Variants in FAM228B observed in about 807,000 individuals in gnomAD.
FAM228B encodes the protein family with sequence similarity 228 member B.
A neutral mutation model predicts 42.6 loss-of-function variants in FAM228B; 38 were observed. That is an observed-to-expected ratio of 0.89 (90% CI 0.69 to 1.17). The LOEUF (loss-of-function observed/expected upper bound fraction) is 1.17. Ranked by LOEUF, FAM228B falls within the 50% of genes most tolerant of loss-of-function variation. The pLI is 0.00. For missense variants in FAM228B, 344 were observed against 367.3 expected, an observed-to-expected ratio of 0.94 and a Z score of 0.52; for synonymous variants, 109 against 122.3, an observed-to-expected ratio of 0.89 and a Z score of 0.72.
chr2:24,089,976 GA>G lies in FAM228B; in HGVS notation c.-209-5150del, dbSNP rs33915915. ...GAGCAAAACTCCGTCTAAAAAAAAAGAAAAAAAAAAAAAAACGCCGGGCGCA... is the reference window on the plus strand; with the variant it reads ...GAGCAAAACTCCGTCTAAAAAAAAAGAAAAAAAAAAAAAACGCCGGGCGCA... On this transcript the variant is annotated intron_variant, in intron 2 of 10. Transcript: ENST00000613899. Among the ~76,000 whole-genome samples, 150 of 130,538 alleles carry G rather than the reference GA, an allele frequency of 1.1e-3. 4 individuals carry two copies. In the South Asian group the frequency reaches 0.035, roughly 31 times the overall value. 85.6% of individuals were successfully genotyped at this position (130,538 alleles called of 152,430 possible).
At chr2:24,137,491 TTTTG>T (rs1401696727) in intron 3 of FAM228B, among the ~76,000 whole-genome samples, 1 of 152,114 alleles carries the variant, frequency 6.6e-6, no homozygotes, top group African/African-American at 2.4e-5. Flanking sequence ...CTGTTTGTGA[TTTTG>T]TTTGTTTGTT....
chr2:24,147,192 C>CT (rs796377393), intron 7 of FAM228B, 106 bp downstream of exon 7: 723 of 810,492 alleles, frequency 8.9e-4, no homozygotes, highest in South Asian at 1.3e-3. Flanking sequence ...TATCATTTTT[C>CT]TTTTTTTTTG....
Position 24,169,212 on chromosome 2 carries a change from C to A in FAM228B, c.*15-144C>A, listed in dbSNP as rs369902443. On this transcript the variant is annotated intron_variant, in intron 10 of 10. Coordinates refer to ENST00000615575, the MANE Select transcript of FAM228B (RefSeq NM_001145710.2). The surrounding 1 kb of genome is among the most constrained non-coding windows in gnomAD (Gnocchi z 4.2). Reference sequence around the variant, plus strand: ...CTGAGGCAGGAGGCCTAGGTGGAGACCCTGCCTGAGAGATGAGTCACTCGG... The same window carrying A: ...CTGAGGCAGGAGGCCTAGGTGGAGAACCTGCCTGAGAGATGAGTCACTCGG... 6 of 309,308 alleles carry A rather than the reference C, an allele frequency of 1.9e-5. No individual in the cohort carries two copies. The highest frequency in any genetic ancestry group is 4.2e-5 in the African/African-American group (2 of 47,556). 19.2% of individuals were successfully genotyped at this position (309,308 alleles called of 1,614,324 possible).
At chr2:24,088,996 G>A (rs1665323532) in intron 2 of FAM228B, among the ~76,000 whole-genome samples, 1 of 152,166 alleles carries the variant, frequency 6.6e-6, no homozygotes, top group African/African-American at 2.4e-5. Context: ...TAGAAACAGT[G>A]TGGTTTCCCA....
intron 2 of FAM228B, among the ~76,000 whole-genome samples, chr2:24,130,430 A>G (rs973942409): frequency 8.5e-5 from 13 of 152,176 alleles, no homozygotes; most frequent in African/African-American, 2.9e-4. Context: ...TCCCACTAAC[A>G]GTGTAAAAGT....
intron 8 of FAM228B, 68 bp downstream of exon 8, chr2:24,161,681 C>A: frequency 1.0e-6 from 1 of 979,326 alleles, no homozygotes; most frequent in Non-Finnish European, 1.6e-6. Context: ...CCATCCCCTG[C>A]CATCCTTTCA....
rs375455830 is a variant in FAM228B at position 24,110,350 on chromosome 2, G to A, written c.-121+15121G>A. Among the ~76,000 whole-genome samples the A allele has an allele frequency of 3.1e-4, 47 of 152,260 alleles. No individual in the cohort carries two copies. The South Asian group carries it at 9.1e-3, about 30-fold the overall frequency. On this transcript the variant is annotated intron_variant, in intron 3 of 10. Transcript: ENST00000613899. The stretch of plus-strand genomic sequence containing the variant: ...TCAGTCACCCATTTCTGGGATGGGG[G>A]ATAGGTACTAGATAGCTTCAGGGCA...
rs1666691207 is a variant in FAM228B, at chr2:24,139,294, ACT to A, written c.361-72_361-71del. 4 of 754,760 alleles carry A rather than the reference ACT, an allele frequency of 5.3e-6. No individual in the cohort carries two copies. In the East Asian group the frequency reaches 1.1e-4, roughly 22 times the overall value. The allele number at this position is 754,760 out of a possible 1,614,324, so 46.8% of individuals were successfully genotyped here. Reference sequence around the variant, plus strand: ...GCATAAGAATGATACTATGTGTTTGACTCTCAAGTCCTGATATGCTCAAAATT... The same window carrying A: ...GCATAAGAATGATACTATGTGTTTGACTCAAGTCCTGATATGCTCAAAATT... On this transcript the variant is annotated intron_variant, in intron 4 of 10. Transcript: ENST00000615575.
At position 24,084,370 on chromosome 2, in the gene FAM228B, GCAGGGCAGGGCAGGA is replaced by G; in HGVS notation, c.-210+3420_-210+3434del. 1 of 1,530,250 alleles carries G rather than the reference GCAGGGCAGGGCAGGA, an allele frequency of 6.5e-7. No homozygotes were observed. Among genetic ancestry groups the G allele is most frequent in the Non-Finnish European group, 8.8e-7 (1 of 1,131,354 alleles). 94.8% of individuals were successfully genotyped at this position (1,530,250 alleles called of 1,614,324 possible). ...GCAGGGCAGGGCAGGACAGGACAGG[GCAGGGCAGGGCAGGA>G]CAGGACAGGGCAGGGCAGGACAGGA... is the stretch of plus-strand genomic sequence containing the variant. On this transcript the variant is annotated intron_variant, in intron 2 of 10. Transcript: ENST00000613899. This position sits in a 1 kb window ranked among gnomAD's most constrained non-coding sequence, Gnocchi z 8.4.
chr2:24,151,962 G>A (rs758836066), intron 7 of FAM228B, among the ~76,000 whole-genome samples: 9 of 152,172 alleles, frequency 5.9e-5, no homozygotes, highest in Non-Finnish European at 1.2e-4. Context: ...TCCCTCTCCC[G>A]GACTCAAGCA....
intron 2 of FAM228B, among the ~76,000 whole-genome samples, chr2:24,131,737 G>A (rs1280654546): frequency 6.6e-6 from 1 of 152,202 alleles, no homozygotes; most frequent in East Asian, 1.9e-4. Flanking sequence ...GGCCTGAGAT[G>A]ATGGGGTTTT....
At chr2:24,108,202 G>C (rs909279170) in intron 3 of FAM228B, among the ~76,000 whole-genome samples, 4 of 152,092 alleles carry the variant, frequency 2.6e-5, no homozygotes, top group African/African-American at 9.7e-5. Flanking sequence ...GACACATACA[G>C]CTTCCTAAGA....
At chr2:24,133,928 A>G (rs1225855760) in intron 2 of FAM228B, among the ~76,000 whole-genome samples, 2 of 152,226 alleles carry the variant, frequency 1.3e-5, no homozygotes, top group Non-Finnish European at 2.9e-5. Context: ...GTACATTAAA[A>G]ATAAAATTTA....
intron 3 of FAM228B, chr2:24,097,451 CAAAAAAAAA>C (rs142500481): frequency 2.8e-5 from 2 of 70,378 alleles, no homozygotes; most frequent in Non-Finnish European, 5.3e-5. Context: ...AAATGGAAAG[CAAAAAAAAA>C]AAAAAAAAAA....
intron 5 of FAM228B, among the ~76,000 whole-genome samples, chr2:24,146,031 T>C (rs998693013): frequency 4.6e-5 from 7 of 152,232 alleles, no homozygotes; most frequent in African/African-American, 1.4e-4. Flanking sequence ...TCTTAATATT[T>C]TATGAGTAGC....
intron 5 of FAM228B, among the ~76,000 whole-genome samples, chr2:24,145,708 T>C (rs1666877432): frequency 1.4e-4 from 1 of 6,936 alleles, no homozygotes; most frequent in Non-Finnish European, 1.7e-3. Flanking sequence ...TTTTGTTCCT[T>C]TTTTTTTTTT....
chr2:24,108,541 T>C (rs1192299759), intron 3 of FAM228B, among the ~76,000 whole-genome samples: 2 of 152,222 alleles, frequency 1.3e-5, no homozygotes, highest in East Asian at 1.9e-4. Context: ...TTGATGAACA[T>C]AGATGCACAA....
intron 2 of FAM228B, among the ~76,000 whole-genome samples, chr2:24,134,322 A>G (rs1273682119): frequency 1.3e-5 from 2 of 152,208 alleles, no homozygotes; most frequent in Non-Finnish European, 2.9e-5. Context: ...ACCTTGTATT[A>G]TTGTTCACTA....
At chr2:24,119,668 C>T (rs1217668709), upstream of FAM228B, 1 of 1,611,210 alleles carries the variant, frequency 6.2e-7, no homozygotes, top group African/African-American at 1.3e-5. Flanking sequence ...TCACGACAAC[C>T]ACACCAGTGT....
Sources: allele counts gnomAD v4.1 joint callset (sites outside exome capture counted in the v4.1 genomes callset), GRCh38; gene constraint gnomAD v4.1.1; non-coding constraint Gnocchi (gnomAD v3.1); transcripts MANE v1.5; gene names NCBI Gene and HGNC (gene_info 2026-07-23, HGNC 2026-07-21).